MLXIP: variants seen among roughly 807,000 people sequenced by gnomAD.
MLXIP encodes MLX interacting protein.
In MLXIP, 30 loss-of-function variants were observed where a neutral mutation model predicts 87.2. That is an observed-to-expected ratio of 0.34 (90% CI 0.26 to 0.47). MLXIP has a LOEUF of 0.47. Among genes scored for constraint, MLXIP ranks in the 20% least tolerant of loss-of-function variants. The pLI is 1.00. For synonymous variants in MLXIP, 530 were observed against 514.0 expected (o/e 1.03, Z -0.42); for missense variants, 1,002 against 1,240.1 (o/e 0.81, Z 2.88).
intron 1 of MLXIP, among the ~76,000 whole-genome samples, chr12:122,101,037 T>G (rs1247601759): frequency 1.3e-5 from 2 of 152,160 alleles, no homozygotes; most frequent in East Asian, 3.8e-4. Flanking sequence ...CTTCAAAAAA[T>G]TATAATATAT....
chr12:122,108,672 TAGTCCGTGAGCTCCTGCA>T (rs1304379407), intron 1 of MLXIP, among the ~76,000 whole-genome samples: 1 of 152,182 alleles, frequency 6.6e-6, no homozygotes, highest in Non-Finnish European at 1.5e-5. Context: ...GCCCTTTCAT[TAGTCCGTGAGCTCCTGCA>T]AGGCCTGTGT....
At chr12:122,125,378 C>T (rs1952865262) in intron 1 of MLXIP, among the ~76,000 whole-genome samples, 1 of 152,042 alleles carries the variant, frequency 6.6e-6, no homozygotes, top group Non-Finnish European at 1.5e-5. Flanking sequence ...AACCCTAGAT[C>T]ATTGAGATTG....
At chr12:122,124,820 CAG>C (rs1230794371) in intron 1 of MLXIP, among the ~76,000 whole-genome samples, 2 of 152,010 alleles carry the variant, frequency 1.3e-5, no homozygotes, top group African/African-American at 4.8e-5. Flanking sequence ...CACTTGAGGT[CAG>C]GGGTTCAAAA....
Position 122,135,723 on chromosome 12 carries a change from C to T in MLXIP, c.2032+57C>T. On this transcript the variant is annotated intron_variant, in intron 11 of 16. Coordinates refer to ENST00000319080, the MANE Select transcript of MLXIP (RefSeq NM_014938.6). The surrounding 1 kb of genome is among the most constrained non-coding windows in gnomAD (Gnocchi z 5.3). ...ATCGCAAGGGAAGTAACTGGGCCTG[C>T]CGTAGACCATGGGGGGTGCTTGCTG... The T allele has an allele frequency of 6.9e-7, 1 of 1,443,608 alleles. No individual in the cohort carries two copies. Among genetic ancestry groups the T allele is most frequent in the Non-Finnish European group, 9.1e-7 (1 of 1,101,356 alleles). The allele number at this position is 1,443,608 out of a possible 1,614,324, so 89.4% of individuals were successfully genotyped here. A position where few individuals can be genotyped will look rare whatever the true frequency, so the allele number is the denominator to read the frequency against.
At position 122,142,652 on chromosome 12, in the gene MLXIP, C is replaced by T; in HGVS notation, c.*840C>T. Reference sequence around the variant, plus strand: ...ACTTGGCTCCAGCTGCAGCTGTTGACAGATCAAGCATGTCCTGTGGGAGCT... The same window carrying T: ...ACTTGGCTCCAGCTGCAGCTGTTGATAGATCAAGCATGTCCTGTGGGAGCT... On this transcript the variant is annotated 3_prime_UTR_variant, in exon 17 of 17. Transcript: ENST00000319080. 1 of 265,652 alleles carries T rather than the reference C, an allele frequency of 3.8e-6. No homozygotes were observed. The highest frequency in any genetic ancestry group is 7.5e-6 in the Non-Finnish European group (1 of 133,828). The allele number at this position is 265,652 out of a possible 1,614,324, so 16.5% of individuals were successfully genotyped here.
At chr12:122,088,116 G>A (rs1249185063) in intron 1 of MLXIP, among the ~76,000 whole-genome samples, 1 of 152,172 alleles carries the variant, frequency 6.6e-6, no homozygotes, top group African/African-American at 2.4e-5. Context: ...TGTCAGTGTG[G>A]TGGACATCAC....
intron 1 of MLXIP, among the ~76,000 whole-genome samples, chr12:122,120,465 G>GT (rs1485610317): frequency 6.6e-6 from 1 of 152,128 alleles, no homozygotes; most frequent in Non-Finnish European, 1.5e-5. Context: ...GGCTCAAGCA[G>GT]TTCTCCTGCC....
chr12:122,125,611 T>C (rs1481273241), intron 1 of MLXIP, among the ~76,000 whole-genome samples: 3 of 152,216 alleles, frequency 2.0e-5, no homozygotes, highest in African/African-American at 7.2e-5. Context: ...AGCTGCCTGC[T>C]GTACCACCGG....
chr12:122,136,668 G>A (rs1035592348), intron 11 of MLXIP: 4 of 152,102 alleles, frequency 2.6e-5, no homozygotes, highest in Admixed American at 2.6e-4. Context: ...CTGGAACTCT[G>A]AGCAAACAGT....
rs773543152 is a variant in MLXIP at position 122,133,257 on chromosome 12, G to A, written c.1093-91G>A. The A allele has an allele frequency of 4.7e-5, 68 of 1,443,106 alleles. No homozygotes were observed. The highest frequency in any genetic ancestry group is 6.0e-5 in the Non-Finnish European group (65 of 1,083,846). The allele number at this position is 1,443,106 out of a possible 1,614,324, so 89.4% of individuals were successfully genotyped here. A position where few individuals can be genotyped will look rare whatever the true frequency, so the allele number is the denominator to read the frequency against. On this transcript the variant is annotated intron_variant, in intron 8 of 16. Transcript: ENST00000319080. This position sits in a 1 kb window ranked among gnomAD's most constrained non-coding sequence, Gnocchi z 4.9. ...CCTTTGTCCCTCTGTCCCAGCGCCC[G>A]GCCTGTGTAGTTGGACTTGGCAGTG...
At chr12:122,115,637 C>A (rs937972547) in intron 1 of MLXIP, among the ~76,000 whole-genome samples, 11 of 145,626 alleles carry the variant, frequency 7.6e-5, no homozygotes, top group Non-Finnish European at 1.5e-4. Flanking sequence ...AAATATGTAA[C>A]CTACATTCAA....
At chr12:122,136,979 A>G (rs1953104459) in intron 11 of MLXIP, 1 of 152,308 alleles carries the variant, frequency 6.6e-6, no homozygotes, top group Non-Finnish European at 1.5e-5. Flanking sequence ...CATTTGTTAC[A>G]GTAAAGCAGA....
rs1370470393 is a variant in MLXIP, at chr12:122,078,801, C to G, written c.-53C>G. 1.9e-6 allele frequency: 2 copies of G among 1,032,162 alleles called. No individual in the cohort carries two copies. The highest frequency in any genetic ancestry group is 2.3e-6 in the Non-Finnish European group (2 of 861,886). 63.9% of individuals were successfully genotyped at this position (1,032,162 alleles called of 1,614,324 possible). A position where few individuals can be genotyped will look rare whatever the true frequency, so the allele number is the denominator to read the frequency against. ...CGGGCCGGCGCCCCTCTGCCTCGCG[C>G]GCTTGTCGCGTTGCCCCGGGCTCCG... On this transcript the variant is annotated 5_prime_UTR_variant, in exon 1 of 17. Transcript: ENST00000319080.
In MLXIP at chr12:122,133,807, G is replaced by T. The variant is rs1953030028; in HGVS notation, c.1552G>T (p.Ala518Ser). 1 of 1,612,928 alleles carries T rather than the reference G, an allele frequency of 6.2e-7. No individual in the cohort carries two copies. Among genetic ancestry groups the T allele is most frequent in the African/African-American group, 1.3e-5 (1 of 74,928 alleles). ...VITTHHPAPS[A>S]APCGLALSPV... ...CACCACCCATCACCCTGCCCCGTCA[G>T]CGGCCCCTTGTGGGCTGGCACTGTC... is the stretch of plus-strand genomic sequence containing the variant. The change falls in exon 9 of 17, where the codon GCG (alanine) becomes TCG (serine). Residue 518 changes from alanine (A) to serine (S), a missense_variant. This residue lies in a region of MLXIP where 746 missense variants were observed against 897.0 expected (regional missense o/e 0.83). Transcript: ENST00000319080. This position sits in a 1 kb window ranked among gnomAD's most constrained non-coding sequence, Gnocchi z 4.9.
At chr12:122,117,037 G>C (rs1029926037) in intron 1 of MLXIP, among the ~76,000 whole-genome samples, 1 of 152,136 alleles carries the variant, frequency 6.6e-6, no homozygotes, top group African/African-American at 2.4e-5. Flanking sequence ...GGGTGGTCAT[G>C]GAAATGATTA....
chr12:122,107,944 C>T (rs183571255), intron 1 of MLXIP, among the ~76,000 whole-genome samples: 243 of 152,208 alleles, frequency 1.6e-3, no homozygotes, highest in African/African-American at 5.1e-3. Context: ...CTCCCCTGGC[C>T]GGCGGTGACT....
chr12:122,087,248 C>T (rs552284713), intron 1 of MLXIP, among the ~76,000 whole-genome samples: 1 of 152,298 alleles, frequency 6.6e-6, no homozygotes, highest in East Asian at 1.9e-4. Flanking sequence ...GGTTCTAGCC[C>T]TTGGGGATAC....
At chr12:122,115,993 G>A (rs1952684390) in intron 1 of MLXIP, among the ~76,000 whole-genome samples, 1 of 152,050 alleles carries the variant, frequency 6.6e-6, no homozygotes, top group African/African-American at 2.4e-5. Context: ...GGAGGTTGCA[G>A]TGAGCCAAGA....
intron 1 of MLXIP, among the ~76,000 whole-genome samples, chr12:122,086,930 G>T (rs370053834): frequency 1.3e-5 from 2 of 152,128 alleles, no homozygotes; most frequent in African/African-American, 2.4e-5. Context: ...TGCTGCCGCC[G>T]GCTGTCACCC....
Sources: allele counts gnomAD v4.1 joint callset (sites outside exome capture counted in the v4.1 genomes callset), GRCh38; gene constraint gnomAD v4.1.1; regional missense constraint gnomAD v4.1.1; non-coding constraint Gnocchi (gnomAD v3.1); transcripts MANE v1.5; gene names NCBI Gene and HGNC (gene_info 2026-07-23, HGNC 2026-07-21).